The following NAA25 variants were observed in gnomAD, a reference collection of about 807,000 sequenced individuals.
NAA25 encodes the protein N-alpha-acetyltransferase 25, NatB auxiliary subunit, also known as N-terminal acetyltransferase B complex subunit NAA25.
Under a neutral mutation model 132.5 loss-of-function variants are expected in NAA25, and 30 were observed. The ratio of observed to expected loss-of-function variants is 0.23; its 90% confidence interval spans 0.17 to 0.31. The LOEUF is 0.31. Ranked by LOEUF, NAA25 falls within the 10% of genes least tolerant of loss-of-function variation. The pLI is 1.00. For missense variants in NAA25, 771 were observed against 1,150.4 expected, an observed-to-expected ratio of 0.67 and a Z score of 4.77; for synonymous variants, 359 against 401.9, an observed-to-expected ratio of 0.89 and a Z score of 1.28.
intron 1 of NAA25, among the ~76,000 whole-genome samples, chr12:112,099,432 C>T (rs1191591645): frequency 6.6e-6 from 1 of 151,886 alleles, no homozygotes; most frequent in Non-Finnish European, 1.5e-5. Flanking sequence ...CCACTCATAG[C>T]AATAATATAA....
intron 1 of NAA25, among the ~76,000 whole-genome samples, chr12:112,100,705 C>T (rs1487186625): frequency 2.0e-5 from 3 of 149,490 alleles, no homozygotes; most frequent in Admixed American, 6.9e-5. Context: ...CTGCATGCTC[C>T]GCCTCCCGGG....
intron 1 of NAA25, among the ~76,000 whole-genome samples, chr12:112,104,386 C>T (rs953674383): frequency 1.1e-4 from 17 of 150,382 alleles, no homozygotes; most frequent in African/African-American, 2.9e-4. Flanking sequence ...AAAATATGAG[C>T]GTGAAATTAA....
At chr12:112,076,527 G>T (rs2078898173) in intron 7 of NAA25, among the ~76,000 whole-genome samples, 1 of 152,092 alleles carries the variant, frequency 6.6e-6, no homozygotes, top group Admixed American at 6.6e-5. Context: ...AAAAAAGAGT[G>T]GAGAGGAATC....
intron 13 of NAA25, among the ~76,000 whole-genome samples, chr12:112,058,554 G>A (rs932569911): frequency 2.0e-5 from 3 of 152,102 alleles, no homozygotes; most frequent in Admixed American, 6.6e-5. Flanking sequence ...GGAGTGTAAT[G>A]GTGTGATCAT....
At chr12:112,062,463 G>A (rs188171189) in intron 11 of NAA25, among the ~76,000 whole-genome samples, 3 of 151,078 alleles carry the variant, frequency 2.0e-5, no homozygotes, top group Non-Finnish European at 4.4e-5. Flanking sequence ...GGTGGCTCAC[G>A]CCTATAATCC....
chr12:112,099,917 G>A (rs2079267709), intron 1 of NAA25, among the ~76,000 whole-genome samples: 1 of 152,178 alleles, frequency 6.6e-6, no homozygotes, highest in Non-Finnish European at 1.5e-5. Context: ...GACTATTAAA[G>A]ATATTGCCAC....
intron 4 of NAA25, among the ~76,000 whole-genome samples, chr12:112,086,494 C>CA (rs1566027908): frequency 6.7e-6 from 1 of 149,520 alleles, no homozygotes; most frequent in South Asian, 2.2e-4. Context: ...GACTCCATCA[C>CA]AAAAAAGAAA....
intron 4 of NAA25, among the ~76,000 whole-genome samples, chr12:112,083,777 G>A (rs2079005763): frequency 6.6e-6 from 1 of 152,198 alleles, no homozygotes; most frequent in African/African-American, 2.4e-5. Context: ...GCTCATGCCT[G>A]TAATCCCTGC....
chr12:112,082,165 T>C (rs948065387), intron 4 of NAA25, among the ~76,000 whole-genome samples: 13 of 152,116 alleles, frequency 8.5e-5, no homozygotes, highest in African/African-American at 3.1e-4. Flanking sequence ...ACAGAATCGC[T>C]TGAACCCGGG....
intron 13 of NAA25, among the ~76,000 whole-genome samples, chr12:112,058,830 G>A (rs912478057): frequency 1.2e-4 from 18 of 152,038 alleles, no homozygotes; most frequent in Admixed American, 1.2e-3. Context: ...AGGCCGAGGC[G>A]GGCAGATAAC....
chr12:112,080,051 C>T (rs1464299593), intron 5 of NAA25, among the ~76,000 whole-genome samples: 2 of 151,922 alleles, frequency 1.3e-5, no homozygotes, highest in South Asian at 2.1e-4. Context: ...GAGGCCGAGG[C>T]GGGCGGATCA....
intron 22 of NAA25, 139 bp from the exon 23 acceptor site, chr12:112,033,518 A>C (rs1462918400): frequency 1.6e-6 from 1 of 624,506 alleles, no homozygotes; most frequent in African/African-American, 1.9e-5. Context: ...GAATGGTACT[A>C]AAATAACCAG....
intron 1 of NAA25, among the ~76,000 whole-genome samples, chr12:112,093,481 CA>C (rs1467730638): frequency 3.3e-5 from 5 of 152,030 alleles, no homozygotes; most frequent in Admixed American, 6.6e-5. Context: ...GCAGAGGTTG[CA>C]GTGACCTGAG....
chr12:112,072,033 C>G lies in NAA25; in HGVS notation c.898G>C (p.Glu300Gln). 6.2e-7 allele frequency: 1 copy of G among 1,613,892 alleles called. No homozygotes were observed. The highest frequency in any genetic ancestry group is 8.5e-7 in the Non-Finnish European group (1 of 1,179,932). The part of the protein sequence containing the change: ...SLEGEVHYSA[E>Q]KAVKFIEDRI... ...TCTTCTATAAACTTCACAGCTTTTTCTGCAGAATAATGTACTTCTCCTTCT... is the reference window on the plus strand; with the variant it reads ...TCTTCTATAAACTTCACAGCTTTTTGTGCAGAATAATGTACTTCTCCTTCT... Residue 300 changes from glutamate (E) to glutamine (Q), a missense_variant, in exon 10 of 24, where the codon GAA becomes CAA. Coordinates refer to ENST00000261745, the MANE Select transcript of NAA25 (RefSeq NM_024953.4).
intron 1 of NAA25, among the ~76,000 whole-genome samples, chr12:112,101,711 C>T (rs1305222203): frequency 1.3e-5 from 2 of 151,546 alleles, no homozygotes; most frequent in African/African-American, 4.8e-5. Flanking sequence ...GAGTGGAGAT[C>T]ACGCCATTGC....
intron 4 of NAA25, among the ~76,000 whole-genome samples, chr12:112,083,614 T>C (rs1286014194): frequency 6.6e-6 from 1 of 152,178 alleles, no homozygotes; most frequent in African/African-American, 2.4e-5. Context: ...CTAAGATGGC[T>C]TGAGGCACCT....
intron 13 of NAA25, among the ~76,000 whole-genome samples, chr12:112,059,303 T>C (rs1437690948): frequency 6.6e-6 from 1 of 151,884 alleles, no homozygotes; most frequent in Non-Finnish European, 1.5e-5. Context: ...CTCTGTGAAA[T>C]GATCCATGAG....
intron 4 of NAA25, among the ~76,000 whole-genome samples, chr12:112,083,908 A>G: frequency 6.6e-6 from 1 of 152,224 alleles, no homozygotes; most frequent in East Asian, 1.9e-4. Flanking sequence ...AATAAAAGTT[A>G]GGAAATTCAT....
chr12:112,102,115 C>A (rs1303409969), intron 1 of NAA25, among the ~76,000 whole-genome samples: 4 of 151,960 alleles, frequency 2.6e-5, no homozygotes, highest in African/African-American at 4.8e-5. Flanking sequence ...GTGATCCACC[C>A]AGGAGGCGGA....
Sources: allele counts gnomAD v4.1 joint callset (sites outside exome capture counted in the v4.1 genomes callset), GRCh38; gene constraint gnomAD v4.1.1; transcripts MANE v1.5; gene names NCBI Gene and HGNC (gene_info 2026-07-23, HGNC 2026-07-21).